Variants in CAB39L observed in about 807,000 individuals in gnomAD.
The protein encoded by CAB39L is calcium-binding protein 39-like.
Under a neutral mutation model 39.1 loss-of-function variants are expected in CAB39L, and 23 were observed. That is an observed-to-expected ratio of 0.59 (90% confidence interval 0.42 to 0.83). CAB39L has a LOEUF of 0.83. Among genes scored for constraint, CAB39L ranks in the 40% least tolerant of loss-of-function variants. CAB39L has a pLI of 0.00. For missense variants in CAB39L, 366 were observed against 391.9 expected (o/e 0.93, Z 0.56); for synonymous variants, 126 against 137.2 (o/e 0.92, Z 0.57).
At position 49,421,717 on chromosome 13, in the gene CAB39L, G is replaced by A. The variant is rs1007600281; in HGVS notation, c.-32+11601C>T. Among the ~76,000 whole-genome samples the A allele has an allele frequency of 2.6e-5, 4 of 151,976 alleles. No homozygotes were observed. In the East Asian group the frequency reaches 5.8e-4, roughly 22 times the overall value. ...GAGGGGTACCAGTGGAGGCCTAGTG[G>A]AGAGCCTGAACCTCCTCCTCTACCC... On this transcript the variant is annotated intron_variant, in intron 3 of 10. Transcript: ENST00000409308.
At chr13:49,438,531 T>A (rs1027789305) in intron 1 of CAB39L, among the ~76,000 whole-genome samples, 1 of 152,220 alleles carries the variant, frequency 6.6e-6, no homozygotes, top group East Asian at 1.9e-4. Flanking sequence ...TATTTCATGT[T>A]TATAAATGTT....
chr13:49,414,861 A>C (rs970721925), intron 3 of CAB39L, among the ~76,000 whole-genome samples: 6 of 152,184 alleles, frequency 3.9e-5, no homozygotes, highest in Non-Finnish European at 7.3e-5. Flanking sequence ...GTTTTAAAAA[A>C]GGAGCAGCTT....
chr13:49,392,767 A>G (rs1295850063), intron 3 of CAB39L, among the ~76,000 whole-genome samples: 1 of 152,204 alleles, frequency 6.6e-6, no homozygotes, highest in Non-Finnish European at 1.5e-5. Context: ...TTTTCAGTTT[A>G]AATATGTTCA....
At chr13:49,357,547 T>C (rs1029645413) in intron 6 of CAB39L, among the ~76,000 whole-genome samples, 1 of 152,208 alleles carries the variant, frequency 6.6e-6, no homozygotes, top group African/African-American at 2.4e-5. Context: ...TTTGGAGAGA[T>C]TATGGGATGT....
intron 3 of CAB39L, among the ~76,000 whole-genome samples, chr13:49,426,044 T>G (rs1957239576): frequency 6.6e-6 from 1 of 152,168 alleles, no homozygotes; most frequent in Non-Finnish European, 1.5e-5. Context: ...CTCTTAAAGC[T>G]TTGTGGGGGT....
intron 5 of CAB39L, among the ~76,000 whole-genome samples, chr13:49,362,259 C>G (rs947270368): frequency 6.6e-6 from 1 of 151,848 alleles, no homozygotes; most frequent in African/African-American, 2.4e-5. Context: ...AATAAGACAC[C>G]AGGGACCAAT....
intron 7 of CAB39L, among the ~76,000 whole-genome samples, chr13:49,349,250 T>C (rs978957924): frequency 6.6e-5 from 10 of 152,062 alleles, no homozygotes; most frequent in Admixed American, 5.2e-4. Context: ...GTATTAATAT[T>C]AGTATATGGA....
chr13:49,357,625 G>C (rs568921373), intron 6 of CAB39L, among the ~76,000 whole-genome samples: 1 of 152,204 alleles, frequency 6.6e-6, no homozygotes, highest in East Asian at 1.9e-4. Context: ...TATTACTTTT[G>C]AATTGGAAAG....
intron 9 of CAB39L, 51 bp from the exon 10 acceptor site, chr13:49,332,141 A>G (rs776909962): frequency 6.3e-7 from 1 of 1,591,504 alleles, no homozygotes; most frequent in Non-Finnish European, 8.6e-7. Context: ...ACCTGATTCA[A>G]AATATAGCTC....
intron 3 of CAB39L, among the ~76,000 whole-genome samples, chr13:49,407,066 T>TAG (rs1956896276): frequency 6.6e-6 from 1 of 152,218 alleles, no homozygotes; most frequent in Admixed American, 6.5e-5. Context: ...TTTCTTTAAG[T>TAG]AGAGACTTTA....
At chr13:49,364,625 C>A (rs1046762303) in intron 5 of CAB39L, among the ~76,000 whole-genome samples, 1 of 152,046 alleles carries the variant, frequency 6.6e-6, no homozygotes, top group African/African-American at 2.4e-5. Flanking sequence ...ATACAAAAAT[C>A]AGTAGCATTT....
At chr13:49,376,418 A>G (rs1425863626) in intron 5 of CAB39L, among the ~76,000 whole-genome samples, 1 of 152,236 alleles carries the variant, frequency 6.6e-6, no homozygotes, top group Non-Finnish European at 1.5e-5. Flanking sequence ...TGTTTTAGTT[A>G]GTCAGTTTAT....
intron 5 of CAB39L, among the ~76,000 whole-genome samples, chr13:49,368,288 T>C (rs1237354757): frequency 6.6e-6 from 1 of 152,178 alleles, no homozygotes; most frequent in Non-Finnish European, 1.5e-5. Flanking sequence ...AAGCCCCCTG[T>C]GGATAACAAA....
chr13:49,442,787 C>CAAAAAAAAAAAAAAAAAA (rs71078844), intron 1 of CAB39L, among the ~76,000 whole-genome samples: 4 of 103,680 alleles, frequency 3.9e-5, no homozygotes, highest in Non-Finnish European at 5.3e-5. Flanking sequence ...GACTCCATCT[C>CAAAAAAAAAAAAAAAAAA]AAAAAAAAAA....
At position 49,376,962 on chromosome 13, in the gene CAB39L, C is replaced by G; in HGVS notation, c.276+5G>C. 1 of 1,596,060 alleles carries G rather than the reference C, an allele frequency of 6.3e-7. No individual in the cohort carries two copies. Among genetic ancestry groups the G allele is most frequent in the Non-Finnish European group, 8.5e-7 (1 of 1,169,960 alleles). On this transcript the variant is annotated splice_donor_5th_base_variant and intron_variant, in intron 5 of 10. Coordinates refer to ENST00000409308, the MANE Select transcript of CAB39L (RefSeq NM_001079670.3). Reference sequence around the variant, plus strand: ...ACCACTGACATCCTTTTACAGCTGGCTTACCTCAAAGTCTATCAGCTGCAG... The same window carrying G: ...ACCACTGACATCCTTTTACAGCTGGGTTACCTCAAAGTCTATCAGCTGCAG...
intron 3 of CAB39L, among the ~76,000 whole-genome samples, chr13:49,392,307 C>T (rs1035272688): frequency 6.6e-6 from 1 of 151,778 alleles, no homozygotes; most frequent in South Asian, 2.1e-4. Context: ...ATTTGGTGAC[C>T]TTAATATGCT....
intron 3 of CAB39L, among the ~76,000 whole-genome samples, chr13:49,431,269 T>G (rs111775395): frequency 0.02 from 3,090 of 152,274 alleles, 119 homozygotes; most frequent in African/African-American, 0.069. Flanking sequence ...TCTGGCTTCT[T>G]TCACATAGCG....
chr13:49,342,905 T>C (rs1955044631), intron 8 of CAB39L, among the ~76,000 whole-genome samples: 1 of 152,216 alleles, frequency 6.6e-6, no homozygotes, highest in South Asian at 2.1e-4. Context: ...TCCATATTGA[T>C]TGTACATTAA....
chr13:49,394,186 T>A (rs954683189), intron 3 of CAB39L, among the ~76,000 whole-genome samples: 2 of 151,966 alleles, frequency 1.3e-5, no homozygotes, highest in African/African-American at 2.4e-5. Context: ...AGGGCTAATA[T>A]CATTACAAAA....
Sources: allele counts gnomAD v4.1 joint callset (sites outside exome capture counted in the v4.1 genomes callset), GRCh38; gene constraint gnomAD v4.1.1; transcripts MANE v1.5; gene names NCBI Gene and HGNC (gene_info 2026-07-23, HGNC 2026-07-21).